The following PACRGL variants were observed in gnomAD, a reference collection of about 807,000 sequenced individuals.
PACRGL encodes parkin coregulated like, also known as PACRG-like protein.
Under a neutral mutation model 34.5 loss-of-function variants are expected in PACRGL, and 38 were observed. The ratio of observed to expected loss-of-function variants is 1.10; its 90% confidence interval spans 0.85 to 1.44. The LOEUF (loss-of-function observed/expected upper bound fraction) is 1.44, where lower values mean the gene tolerates loss of function less well. Ranked by LOEUF, PACRGL falls within the 40% of genes most tolerant of loss-of-function variation. The pLI is 0.00. For missense variants in PACRGL, 305 were observed against 281.4 expected (o/e 1.08, Z -0.60); for synonymous variants, 128 against 100.1 (o/e 1.28, Z -1.66).
At position 20,728,992 on chromosome 4, in the gene PACRGL, C is replaced by G. The variant is rs1335010488; in HGVS notation, c.*1651C>G. On this transcript the variant is annotated 3_prime_UTR_variant, in exon 9 of 9. Transcript: ENST00000503585. Reference sequence around the variant, plus strand: ...GGATTAGTTGTTGAGCACTTATTTTCTACTAAATCTTGGTAGTAGTTGTCA... The same window carrying G: ...GGATTAGTTGTTGAGCACTTATTTTGTACTAAATCTTGGTAGTAGTTGTCA... The G allele has an allele frequency of 6.6e-6, 1 of 152,206 alleles. No homozygotes were observed. The highest frequency in any genetic ancestry group is 1.9e-4 in the East Asian group (1 of 5,180). 9.4% of individuals were successfully genotyped at this position (152,206 alleles called of 1,614,324 possible).
intron 6 of PACRGL, chr4:20,713,152 A>G (rs1348233483): frequency 3.7e-6 from 2 of 542,050 alleles, no homozygotes; most frequent in Non-Finnish European, 6.3e-6. Flanking sequence ...GGACATTTTA[A>G]GTAATTAGAG....
chr4:20,727,243 T>C, intron 8 of PACRGL, 42 bp from the exon 9 acceptor site: 1 of 1,533,204 alleles, frequency 6.5e-7, no homozygotes, highest in Non-Finnish European at 9.0e-7. Context: ...TTAGGGGAAC[T>C]CTGCATGATA....
chr4:20,741,242 C>T (rs1379139272), intron 8 of PACRGL, among the ~76,000 whole-genome samples: 1 of 152,198 alleles, frequency 6.6e-6, no homozygotes, highest in Non-Finnish European at 1.5e-5. Context: ...CTACAGAACT[C>T]TCCACCCCAA....
intron 7 of PACRGL, among the ~76,000 whole-genome samples, chr4:20,724,531 A>G (rs1158545789): frequency 4.6e-5 from 7 of 152,196 alleles, no homozygotes; most frequent in Non-Finnish European, 8.8e-5. Context: ...GCTCTTGCAA[A>G]TTACAGAATC....
chr4:20,752,525 G>GT (rs1160063338), intron 8 of PACRGL: 1 of 152,118 alleles, frequency 6.6e-6, no homozygotes, highest in East Asian at 1.9e-4. Context: ...TTTTACAAAC[G>GT]TAACATCTTT....
At chr4:20,725,638 A>G (rs1745323177) in intron 8 of PACRGL, among the ~76,000 whole-genome samples, 1 of 152,144 alleles carries the variant, frequency 6.6e-6, no homozygotes, top group Non-Finnish European at 1.5e-5. Context: ...ACTTAGTTCC[A>G]TTGTAGGTAC....
At chr4:20,736,554 CT>C (rs1041885186), downstream of PACRGL, among the ~76,000 whole-genome samples, 5 of 152,104 alleles carry the variant, frequency 3.3e-5, no homozygotes, top group African/African-American at 1.2e-4. Flanking sequence ...TTAATTTTAC[CT>C]TTTTTTCTAA....
intron 7 of PACRGL, among the ~76,000 whole-genome samples, chr4:20,714,723 G>A (rs376469602): frequency 1.3e-5 from 2 of 152,096 alleles, no homozygotes; most frequent in African/African-American, 2.4e-5. Context: ...ACCACAATGA[G>A]ATACCATCTC....
At chr4:20,739,613 G>A in intron 8 of PACRGL, among the ~76,000 whole-genome samples, 1 of 152,172 alleles carries the variant, frequency 6.6e-6, no homozygotes, top group Non-Finnish European at 1.5e-5. Context: ...AAGACCAAAG[G>A]TAGATAAAAC....
chr4:20,727,851 A>C lies in PACRGL; in HGVS notation c.*510A>C, dbSNP rs965164834. The C allele has an allele frequency of 5.9e-5, 9 of 153,574 alleles. No individual in the cohort carries two copies. Among genetic ancestry groups the C allele is most frequent in the African/African-American group, 2.2e-4 (9 of 41,494 alleles). 9.5% of individuals were successfully genotyped at this position (153,574 alleles called of 1,614,324 possible). A position where few individuals can be genotyped will look rare whatever the true frequency, so the allele number is the denominator to read the frequency against. On this transcript the variant is annotated 3_prime_UTR_variant, in exon 9 of 9. Transcript: ENST00000503585. ...GCCCAGACTGGAGTGCAGTGGCATA[A>C]TCATAGCTCACCGCAAGCCTCAAAT...
rs113971507 is a variant in PACRGL, at chr4:20,748,125, A to G, written c.*57-4440A>G. Among the ~76,000 whole-genome samples, 1,213 of 152,228 alleles carry G rather than the reference A, an allele frequency of 8.0e-3. 9 individuals are homozygous for G. The highest frequency in any genetic ancestry group is 0.013 in the Non-Finnish European group (918 of 68,018). ...CTCTGATAAATTCACATCCCTGCCA[A>G]AAATTCTACAAAGGCTCCTCATCTC... is the stretch of plus-strand genomic sequence containing the variant. On this transcript the variant is annotated intron_variant, in intron 8 of 8. Transcript: ENST00000507634.
At chr4:20,733,098 A>T (rs1748737807), downstream of PACRGL, among the ~76,000 whole-genome samples, 1 of 152,180 alleles carries the variant, frequency 6.6e-6, no homozygotes, top group East Asian at 1.9e-4. Context: ...CTTTAAGTAG[A>T]CTATGTTTAT....
chr4:20,735,390 G>A (rs1016389830), downstream of PACRGL, among the ~76,000 whole-genome samples: 2 of 152,132 alleles, frequency 1.3e-5, no homozygotes, highest in African/African-American at 4.8e-5. Flanking sequence ...AAAAGAGGCT[G>A]CTTATAACAG....
intron 7 of PACRGL, chr4:20,716,058 C>T: frequency 6.7e-7 from 1 of 1,481,504 alleles, no homozygotes; most frequent in Non-Finnish European, 8.9e-7. Flanking sequence ...CAGGAAGAGA[C>T]CTTTTCCTGA....
In PACRGL at chr4:20,732,470, G is replaced by C. The variant is rs973658793; in HGVS notation, c.*5129G>C. 3.3e-5 allele frequency among the ~76,000 whole-genome samples: 5 copies of C among 152,192 alleles called. No individual in the cohort carries two copies. The highest frequency in any genetic ancestry group is 9.6e-5 in the African/African-American group (4 of 41,454). On this transcript the variant is annotated 3_prime_UTR_variant, in exon 9 of 9. Coordinates refer to ENST00000503585, the MANE Select transcript of PACRGL (RefSeq NM_001258345.3). ...TGAAACATGAGAACTGTTTAGTGTT[G>C]TATCTTGGATTTAGTGAATGTTCAA...
intron 7 of PACRGL, 26 bp downstream of exon 7, chr4:20,713,565 G>C: frequency 6.5e-7 from 1 of 1,540,424 alleles, no homozygotes; most frequent in South Asian, 1.1e-5. Flanking sequence ...ATTAGATAAT[G>C]ATTGACTGTA....
rs147291912 is a variant in PACRGL at position 20,710,194 on chromosome 4, C to T, written c.366+421C>T. 2.3e-3 allele frequency among the ~76,000 whole-genome samples: 354 copies of T among 152,216 alleles called. 8 individuals are homozygous for T. The South Asian group carries it at 0.046, about 20-fold the overall frequency. ...GTGTTTCTTAGGGAATTGATACTAC[C>T]TACCTAAATGTTCTTTTGGAGAATA... On this transcript the variant is annotated intron_variant, in intron 5 of 8. Coordinates refer to ENST00000503585, the MANE Select transcript of PACRGL (RefSeq NM_001258345.3).
At chr4:20,753,820 A>G (rs1754048676), downstream of PACRGL, among the ~76,000 whole-genome samples, 1 of 152,152 alleles carries the variant, frequency 6.6e-6, no homozygotes, top group Non-Finnish European at 1.5e-5. Context: ...CTTTATGTCT[A>G]CAGAACTCAT....
At chr4:20,753,299 T>C (rs1004830573), downstream of PACRGL, among the ~76,000 whole-genome samples, 2 of 151,904 alleles carry the variant, frequency 1.3e-5, no homozygotes, top group Admixed American at 6.6e-5. Flanking sequence ...GATACTAGAG[T>C]AGAAAAAACC....
Sources: allele counts gnomAD v4.1 joint callset (sites outside exome capture counted in the v4.1 genomes callset), GRCh38; gene constraint gnomAD v4.1.1; transcripts MANE v1.5; gene names NCBI Gene and HGNC (gene_info 2026-07-23, HGNC 2026-07-21).